Variants in SLC7A13 observed in about 807,000 individuals in gnomAD.
The protein encoded by SLC7A13 is X-amino acid transporter 2.
In SLC7A13, 31 loss-of-function variants were observed where a neutral mutation model predicts 32.0. The observed-to-expected ratio is 0.97, with a 90% CI of 0.73 to 1.31. The LOEUF is 1.31. SLC7A13 is among the 50% of genes most tolerant of loss of function. The pLI, the probability that SLC7A13 is intolerant of heterozygous loss-of-function variation, is 0.00. For missense variants in SLC7A13, 633 were observed against 546.9 expected (o/e 1.16, Z -1.57); for synonymous variants, 232 against 206.9 (o/e 1.12, Z -1.04).
rs1213900788 is a variant in SLC7A13 at position 86,217,827 on chromosome 8, A to C, written c.822T>G (p.Ala274=). 6.6e-7 allele frequency: 1 copy of C among 1,521,708 alleles called. No individual in the cohort carries two copies. 94.3% of individuals were successfully genotyped at this position (1,521,708 alleles called of 1,614,324 possible). A position where few individuals can be genotyped will look rare whatever the true frequency, so the allele number is the denominator to read the frequency against. The part of the protein sequence containing the change: ...LTPREILSSD[A]VAITWADRAF... ...CTCGATCAGCCCATGTGATAGCTAC[A>C]GCATCTGCAGAAAAACAAAAATACA... The change falls in exon 3 of 4, where the codon GCT becomes GCG. Residue 274 remains alanine (A), a synonymous_variant. Coordinates refer to ENST00000297524, the MANE Select transcript of SLC7A13 (RefSeq NM_138817.3).
In SLC7A13 at chr8:86,229,865, G is replaced by A. The variant is rs372246476; in HGVS notation, c.413C>T (p.Ala138Val). The change falls in exon 1 of 4, where the codon GCA becomes GTA. Residue 138 changes from alanine (A) to valine (V), a missense_variant. Physicochemically the swap from Ala to Val is moderately conservative, Grantham distance 64 (BLOSUM62 0). Transcript: ENST00000297524. ...SVPKLPKKCL[A>V]LAMLWIVGIL... is the part of the protein sequence containing the mutation. ...TCCTACAATCCACAACATGGCCAATGCCAGACATTTCTTAGGCAGCTTTGG... is the reference window on the plus strand; with the variant it reads ...TCCTACAATCCACAACATGGCCAATACCAGACATTTCTTAGGCAGCTTTGG... 6.2e-7 allele frequency: 1 copy of A among 1,614,162 alleles called. No homozygotes were observed. The highest frequency in any genetic ancestry group is 1.1e-5 in the South Asian group (1 of 91,084).
chr8:86,219,422 A>G (rs1820250629), intron 2 of SLC7A13, among the ~76,000 whole-genome samples: 1 of 152,272 alleles, frequency 6.6e-6, no homozygotes. Context: ...CTCTGTCCAC[A>G]TGTTGTTTCT....
At chr8:86,217,323 A>T in intron 3 of SLC7A13, 147 bp downstream of exon 3, 1 of 747,880 alleles carries the variant, frequency 1.3e-6, no homozygotes. Context: ...AACGAAAATT[A>T]AAACCAAGAC....
At chr8:86,215,737 G>A (rs1183454034) in intron 3 of SLC7A13, 4 of 409,906 alleles carry the variant, frequency 9.8e-6, no homozygotes, top group African/African-American at 6.4e-5. Context: ...AGCTTATAAA[G>A]CGTCCCAGAA....
At chr8:86,221,572 G>A (rs1009419570) in intron 2 of SLC7A13, among the ~76,000 whole-genome samples, 1 of 151,864 alleles carries the variant, frequency 6.6e-6, no homozygotes, top group South Asian at 2.1e-4. Context: ...CCACTAACTC[G>A]TCATCTAGCA....
intron 2 of SLC7A13, among the ~76,000 whole-genome samples, chr8:86,218,502 T>A (rs1049437302): frequency 2.0e-5 from 3 of 151,842 alleles, no homozygotes; most frequent in African/African-American, 7.3e-5. Flanking sequence ...ACCGGGGAGG[T>A]AGGAGGTTGC....
chr8:86,217,470 CT>C lies in SLC7A13; in HGVS notation c.1178del (p.Lys393ArgfsTer8). 1 of 1,531,874 alleles carries C rather than the reference CT, an allele frequency of 6.5e-7. No homozygotes were observed. The highest frequency in any genetic ancestry group is 2.3e-5 in the Admixed American group (1 of 44,140). 94.9% of individuals were successfully genotyped at this position (1,531,874 alleles called of 1,614,324 possible). On this transcript the variant is annotated frameshift_variant and splice_region_variant, in exon 3 of 4. Transcript: ENST00000297524. LOFTEE classifies it low-confidence loss of function (END_TRUNC). ...AAAAGAATTAGAAATCCAATTTTAC[CT>C]TATAAGGTATAGATAGATTGGGTTC... is the stretch of plus-strand genomic sequence containing the variant. ...YQEPNLSIPYKVFLSFPLATI... is the reference protein window; with the variant it reads ...YQEPNLSIPYXVFLSFPLATI...
chr8:86,218,088 G>A (rs1820223753), intron 2 of SLC7A13, among the ~76,000 whole-genome samples: 1 of 152,090 alleles, frequency 6.6e-6, no homozygotes, highest in Non-Finnish European at 1.5e-5. Context: ...GTTTTTGAGG[G>A]CAAGGATAAT....
intron 1 of SLC7A13, among the ~76,000 whole-genome samples, chr8:86,223,503 CT>C (rs1473768364): frequency 6.6e-6 from 1 of 151,990 alleles, no homozygotes; most frequent in African/African-American, 2.4e-5. Context: ...TGATTTCATT[CT>C]TTTTTATGGC....
At chr8:86,223,124 C>A in intron 1 of SLC7A13, 21 bp from the exon 2 acceptor site, 1 of 1,547,006 alleles carries the variant, frequency 6.5e-7, no homozygotes, top group South Asian at 1.3e-5. Context: ...AAAGAGGACA[C>A]AACCATAATT....
intron 1 of SLC7A13, among the ~76,000 whole-genome samples, chr8:86,225,423 T>C (rs1038601833): frequency 2.0e-5 from 3 of 152,188 alleles, no homozygotes; most frequent in Non-Finnish European, 4.4e-5. Context: ...GAATAAATGG[T>C]TGTTGTTAAT....
chr8:86,220,353 C>T (rs896320886), intron 2 of SLC7A13, among the ~76,000 whole-genome samples: 1 of 152,082 alleles, frequency 6.6e-6, no homozygotes, highest in African/African-American at 2.4e-5. Flanking sequence ...TTTCCATACA[C>T]CTTTTTCTAG....
chr8:86,227,299 T>A (rs550646758), intron 1 of SLC7A13, among the ~76,000 whole-genome samples: 91 of 151,624 alleles, frequency 6.0e-4, no homozygotes, highest in African/African-American at 2.2e-3. Context: ...CATATATAAA[T>A]AACAAGGAAA....
chr8:86,223,280 C>A lies in SLC7A13; in HGVS notation c.686-177G>T, dbSNP rs75122589. On this transcript the variant is annotated intron_variant, in intron 1 of 3. Coordinates refer to ENST00000297524, the MANE Select transcript of SLC7A13 (RefSeq NM_138817.3). ...TTTAGTGTATCCATCACCTGAATAA[C>A]ATACATTGTACCTATTAAGTAATTT... Among the ~76,000 whole-genome samples, 540 of 152,170 alleles carry A rather than the reference C, an allele frequency of 3.5e-3. 6 individuals carry two copies. Among genetic ancestry groups the A allele is most frequent in the African/African-American group, 0.012 (511 of 41,526 alleles).
chr8:86,222,875 A>C, intron 2 of SLC7A13, 97 bp downstream of exon 2: 2 of 1,209,352 alleles, frequency 1.7e-6, no homozygotes, highest in Non-Finnish European at 1.1e-6. Flanking sequence ...CCATATATAG[A>C]ATAATGAACA....
intron 2 of SLC7A13, among the ~76,000 whole-genome samples, chr8:86,218,921 T>C (rs1820241296): frequency 6.6e-6 from 1 of 152,152 alleles, no homozygotes; most frequent in Admixed American, 6.6e-5. Flanking sequence ...CCAAGGTTTG[T>C]TTCCAGGGGT....
In SLC7A13 at chr8:86,217,712, G is replaced by A; in HGVS notation, c.937C>T (p.Pro313Ser). The change falls in exon 3 of 4, where the codon CCA (proline) becomes TCA (serine). Residue 313 changes from proline to serine, a missense_variant. Coordinates refer to ENST00000297524, the MANE Select transcript of SLC7A13 (RefSeq NM_138817.3). ...CCCTCTTGGCTTGCAAGATATATTG[G>A]TCTCGATGATTTAAATATAGAAATC... ...LLISIFKSSR[P>S]IYLASQEGQL... 2 of 1,613,446 alleles carry A rather than the reference G, an allele frequency of 1.2e-6. No individual in the cohort carries two copies. Among genetic ancestry groups the A allele is most frequent in the South Asian group, 1.1e-5 (1 of 91,042 alleles).
chr8:86,215,887 T>C (rs1298729114), intron 3 of SLC7A13, among the ~76,000 whole-genome samples: 1 of 152,140 alleles, frequency 6.6e-6, no homozygotes, highest in African/African-American at 2.4e-5. Flanking sequence ...CTGATGCAAA[T>C]GTAAGTTGAA....
chr8:86,226,478 T>C (rs1820390306), intron 1 of SLC7A13, among the ~76,000 whole-genome samples: 1 of 152,190 alleles, frequency 6.6e-6, no homozygotes, highest in Non-Finnish European at 1.5e-5. Context: ...TCTGAAGCAT[T>C]TAACCAGATA....
Sources: gnomAD v4.1 joint callset for allele counts (sites outside exome capture counted in the v4.1 genomes callset) on GRCh38, gnomAD v4.1.1 for gene constraint, MANE v1.5 for transcripts, NCBI Gene and HGNC (gene_info 2026-07-23, HGNC 2026-07-21) for gene names.